ZFHX4: variants seen among roughly 807,000 people sequenced by gnomAD.
ZFHX4 encodes the protein zinc finger homeobox protein 4.
In ZFHX4, 56 loss-of-function variants were observed where a neutral mutation model predicts 267.6. The observed-to-expected ratio is 0.21, with a 90% confidence interval of 0.17 to 0.26. The LOEUF is 0.26. Ranked by LOEUF, ZFHX4 falls within the 10% of genes least tolerant of loss-of-function variation. The probability of loss-of-function intolerance (pLI) is 1.00; values close to 1 mark genes in which losing one functional copy is unlikely to be tolerated. For missense variants in ZFHX4, 4,332 were observed against 4,420.0 expected (o/e 0.98, Z 0.56); for synonymous variants, 1,778 against 1,665.6 (o/e 1.07, Z -1.64).
Position 76,745,957 on chromosome 8 carries a change from G to A in ZFHX4, c.3094-32251G>A, listed in dbSNP as rs561370379. Among the ~76,000 whole-genome samples the A allele has an allele frequency of 3.3e-5, 5 of 152,260 alleles. No individual in the cohort carries two copies. In the South Asian group the frequency reaches 6.2e-4, roughly 19 times the overall value. On this transcript the variant is annotated intron_variant, in intron 3 of 10. Transcript: ENST00000651372. ...CTTGTCAGTAGGAATCTTTGACAAT[G>A]AGCCAAGTACAGCATTGCTAGTGTA...
In ZFHX4 at chr8:76,722,607, G is replaced by GT. The variant is rs57934650; in HGVS notation, c.3093+14569dup. The stretch of plus-strand genomic sequence containing the variant: ...CAACTGACTTTCTCACTTTTTATGT[G>GT]TTTTTTTTTTGCAAGAATTTCTGTA... On this transcript the variant is annotated intron_variant, in intron 3 of 10. Transcript: ENST00000651372. Among the ~76,000 whole-genome samples, 984 of 144,554 alleles carry GT rather than the reference G, an allele frequency of 6.8e-3. 14 individuals are homozygous for GT. The highest frequency in any genetic ancestry group is 0.021 in the African/African-American group (822 of 39,134). 94.8% of individuals were successfully genotyped at this position (144,554 alleles called of 152,430 possible).
Position 76,786,962 on chromosome 8 carries a change from A to G in ZFHX4, c.3325+8523A>G, listed in dbSNP as rs1041435573. Among the ~76,000 whole-genome samples, 5 of 152,206 alleles carry G rather than the reference A, an allele frequency of 3.3e-5. No homozygotes were observed. The South Asian group carries it at 1.0e-3, about 32-fold the overall frequency. ...ATTTTCTAGGAAGATCAAATGACCAACATATTTATTTTGCCATAGGGGGGT... is the reference window on the plus strand; with the variant it reads ...ATTTTCTAGGAAGATCAAATGACCAGCATATTTATTTTGCCATAGGGGGGT... On this transcript the variant is annotated intron_variant, in intron 4 of 10. Coordinates refer to ENST00000651372, the MANE Select transcript of ZFHX4 (RefSeq NM_024721.5).
chr8:76,757,963 T>C (rs1042299696), intron 3 of ZFHX4, among the ~76,000 whole-genome samples: 5 of 152,176 alleles, frequency 3.3e-5, no homozygotes, highest in African/African-American at 1.2e-4. Flanking sequence ...TGAGCGCAGA[T>C]ACCTTCATTC....
At position 76,706,187 on chromosome 8, in the gene ZFHX4, G is replaced by A. The variant is rs781379151; in HGVS notation, c.2099G>A (p.Arg700His). The change falls in exon 2 of 11, where the codon CGT becomes CAT. Residue 700 changes from arginine to histidine, a missense_variant. By Grantham distance (29) the Arg-to-His change is conservative. Transcript: ENST00000651372. ...ESYTCGYKPF[R>H]CEVCNYSTTT... Reference sequence around the variant, plus strand: ...TACACGTGTGGCTATAAACCCTTCCGTTGTGAGGTTTGTAACTACTCTACC... The same window carrying A: ...TACACGTGTGGCTATAAACCCTTCCATTGTGAGGTTTGTAACTACTCTACC... 3.9e-5 allele frequency: 63 copies of A among 1,613,888 alleles called. No homozygotes were observed. The highest frequency in any genetic ancestry group is 5.0e-5 in the Non-Finnish European group (59 of 1,180,010).
intron 4 of ZFHX4, among the ~76,000 whole-genome samples, chr8:76,780,289 G>A (rs1010451470): frequency 2.0e-5 from 3 of 152,114 alleles, no homozygotes; most frequent in African/African-American, 7.2e-5. Context: ...AAAGTACAAA[G>A]CATCTGTATA....
intron 3 of ZFHX4, among the ~76,000 whole-genome samples, chr8:76,777,230 T>G (rs984188582): frequency 6.6e-5 from 10 of 152,160 alleles, no homozygotes; most frequent in African/African-American, 2.4e-4. Flanking sequence ...GGGGGAAAAG[T>G]TTTTTTAAAA....
At chr8:76,800,607 G>A (rs1811094575) in intron 4 of ZFHX4, among the ~76,000 whole-genome samples, 2 of 152,122 alleles carry the variant, frequency 1.3e-5, no homozygotes, top group South Asian at 2.1e-4. Context: ...ATACATCAAG[G>A]CCGCACTGCC....
At chr8:76,743,736 G>C (rs963632569) in intron 3 of ZFHX4, among the ~76,000 whole-genome samples, 1 of 152,176 alleles carries the variant, frequency 6.6e-6, no homozygotes, top group Admixed American at 6.5e-5. Context: ...CAACATAGCT[G>C]TATGCAAACA....
At chr8:76,817,483 G>A (rs1323385792) in intron 4 of ZFHX4, among the ~76,000 whole-genome samples, 2 of 152,104 alleles carry the variant, frequency 1.3e-5, no homozygotes, top group Non-Finnish European at 2.9e-5. Flanking sequence ...GGAAGCGTGG[G>A]GAGGTGATTT....
intron 4 of ZFHX4, among the ~76,000 whole-genome samples, chr8:76,793,907 GAA>G (rs1810904410): frequency 6.6e-6 from 1 of 152,132 alleles, no homozygotes; most frequent in African/African-American, 2.4e-5. Context: ...GTTTGAGTAG[GAA>G]AGCTCTTTAA....
In ZFHX4 at chr8:76,764,556, G is replaced by A. The variant is rs1810002831; in HGVS notation, c.3094-13652G>A. On this transcript the variant is annotated intron_variant, in intron 3 of 10. Coordinates refer to ENST00000651372, the MANE Select transcript of ZFHX4 (RefSeq NM_024721.5). Reference sequence around the variant, plus strand: ...AATGGTCTTGATAGATTTAAGCAAAGCATTGATCTAATTAGAATCTTGAGT... The same window carrying A: ...AATGGTCTTGATAGATTTAAGCAAAACATTGATCTAATTAGAATCTTGAGT... 2.0e-5 allele frequency among the ~76,000 whole-genome samples: 3 copies of A among 152,246 alleles called. No individual in the cohort carries two copies. The South Asian group carries it at 6.2e-4, about 32-fold the overall frequency.
In ZFHX4 at chr8:76,699,744, C is replaced by CAA. The variant is rs34108017; in HGVS notation, c.-46-4284_-46-4283dup. Among the ~76,000 whole-genome samples, 368 of 89,684 alleles carry CAA rather than the reference C, an allele frequency of 4.1e-3. 1 individual carries two copies. The highest frequency in any genetic ancestry group is 7.0e-3 in the African/African-American group (203 of 29,098). The allele number at this position is 89,684 out of a possible 152,430, so 58.8% of individuals were successfully genotyped here. A position where few individuals can be genotyped will look rare whatever the true frequency, so the allele number is the denominator to read the frequency against. On this transcript the variant is annotated intron_variant, in intron 1 of 10. Coordinates refer to ENST00000651372, the MANE Select transcript of ZFHX4 (RefSeq NM_024721.5). ...ACAAAAGATTTGTCAGCAACTGATG[C>CAA]AAAAAAAAAAAAAAAAGTCCAGCCA...
In ZFHX4 at chr8:76,863,360, C is replaced by T. The variant is rs2131981219; in HGVS notation, c.9646C>T (p.Pro3216Ser). ...AGAGGCCACCAAACCCGAAAAACAC[C>T]CCAAAAAAGAGGAAAAAATCTCATC... is the stretch of plus-strand genomic sequence containing the variant. ...ELEATKPEKH[P>S]KKEEKISSAL... is the part of the protein sequence containing the mutation. The change falls in exon 11 of 11, where the codon CCC becomes TCC. Residue 3216 changes from proline (P) to serine (S), a missense_variant. Coordinates refer to ENST00000651372, the MANE Select transcript of ZFHX4 (RefSeq NM_024721.5). 1 of 1,613,752 alleles carries T rather than the reference C, an allele frequency of 6.2e-7. No individual in the cohort carries two copies. Among genetic ancestry groups the T allele is most frequent in the African/African-American group, 1.3e-5 (1 of 74,996 alleles).
At chr8:76,722,103 T>G (rs1053268774) in intron 3 of ZFHX4, among the ~76,000 whole-genome samples, 2 of 152,100 alleles carry the variant, frequency 1.3e-5, no homozygotes, top group Non-Finnish European at 2.9e-5. Context: ...AGTTTTCAAT[T>G]TCTGGAGATC....
intron 3 of ZFHX4, among the ~76,000 whole-genome samples, chr8:76,772,780 T>C (rs531064095): frequency 1.3e-5 from 2 of 152,280 alleles, no homozygotes; most frequent in Admixed American, 1.3e-4. Context: ...TTTCCTTTAG[T>C]GCATTAGACA....
chr8:76,713,491 A>G (rs927224292), intron 3 of ZFHX4, among the ~76,000 whole-genome samples: 4 of 152,062 alleles, frequency 2.6e-5, no homozygotes, highest in African/African-American at 7.2e-5. Flanking sequence ...CACCTACTCT[A>G]TTTTCTGTAT....
rs113181347 is a variant in ZFHX4, at chr8:76,694,833, A to G, written c.-46-9210A>G. ...TCCTCAGATTTTCGCAACACATTAC[A>G]TGAACCCAGAAGAGCCATATTAGGA... On this transcript the variant is annotated intron_variant, in intron 1 of 10. Transcript: ENST00000651372. Among the ~76,000 whole-genome samples, 440 of 151,386 alleles carry G rather than the reference A, an allele frequency of 2.9e-3. 1 individual carries two copies. Among genetic ancestry groups the G allele is most frequent in the Admixed American group, 5.1e-3 (78 of 15,172 alleles).
At chr8:76,703,430 C>G (rs931332509) in intron 1 of ZFHX4, among the ~76,000 whole-genome samples, 46 of 152,094 alleles carry the variant, frequency 3.0e-4, no homozygotes, top group African/African-American at 9.9e-4. Flanking sequence ...TCAGGGCCAG[C>G]CAGATACCTG....
chr8:76,778,582 C>T (rs1018654517), intron 4 of ZFHX4, 143 bp downstream of exon 4: 7 of 699,594 alleles, frequency 1.0e-5, no homozygotes, highest in Middle Eastern at 7.9e-4. Flanking sequence ...AGCTCTTAAT[C>T]TCTCAGAAAT....
Sources: gnomAD v4.1 joint callset for allele counts (sites outside exome capture counted in the v4.1 genomes callset) on GRCh38, gnomAD v4.1.1 for gene constraint, MANE v1.5 for transcripts, NCBI Gene and HGNC (gene_info 2026-07-23, HGNC 2026-07-21) for gene names.